PDE4D: variants seen among roughly 807,000 people sequenced by gnomAD.
The protein encoded by PDE4D is phosphodiesterase 4D.
A neutral mutation model predicts 87.4 loss-of-function variants in PDE4D; 24 were observed. The observed-to-expected ratio is 0.27, with a 90% CI of 0.20 to 0.39. The LOEUF is 0.39. Ranked by LOEUF, PDE4D falls within the 10% of genes least tolerant of loss-of-function variation. PDE4D has a pLI of 1.00. For missense variants in PDE4D, 714 were observed against 1,041.0 expected, an observed-to-expected ratio of 0.69 and a Z score of 4.32; for synonymous variants, 384 against 383.2, an observed-to-expected ratio of 1.00 and a Z score of -0.02.
At chr5:60,056,820 G>A (rs542990200) in intron 2 of PDE4D, among the ~76,000 whole-genome samples, 1 of 152,024 alleles carries the variant, frequency 6.6e-6, no homozygotes, top group Admixed American at 6.6e-5. Context: ...ACGTGCACAA[G>A]TATGCAAACA....
At chr5:59,615,939 C>G (rs972470655) in intron 1 of PDE4D, among the ~76,000 whole-genome samples, 7 of 151,498 alleles carry the variant, frequency 4.6e-5, no homozygotes, top group Non-Finnish European at 1.0e-4. Flanking sequence ...AAAAAGTAAA[C>G]GTATTTTCCA....
chr5:60,284,968 C>A (rs1752280279), intron 1 of PDE4D, among the ~76,000 whole-genome samples: 1 of 152,058 alleles, frequency 6.6e-6, no homozygotes, highest in Non-Finnish European at 1.5e-5. Flanking sequence ...ACATCAAGAA[C>A]ATCCATTATG....
At chr5:59,219,846 A>T (rs548234243) in intron 1 of PDE4D, among the ~76,000 whole-genome samples, 2 of 152,316 alleles carry the variant, frequency 1.3e-5, no homozygotes, top group African/African-American at 4.8e-5. Flanking sequence ...GAGTTAAAAA[A>T]TGTCCAGCCA....
intron 2 of PDE4D, among the ~76,000 whole-genome samples, chr5:60,077,867 GTTCAA>G (rs1773487747): frequency 6.6e-6 from 1 of 152,152 alleles, no homozygotes; most frequent in South Asian, 2.1e-4. Context: ...CTCCTGGCCT[GTTCAA>G]TTCACCCCAT....
At chr5:60,188,759 G>A (rs1161583854) in intron 1 of PDE4D, among the ~76,000 whole-genome samples, 2 of 152,156 alleles carry the variant, frequency 1.3e-5, no homozygotes, top group African/African-American at 4.8e-5. Context: ...TGGCACAAAC[G>A]AGGAAATCAG....
intron 1 of PDE4D, among the ~76,000 whole-genome samples, chr5:59,599,743 G>A (rs1827231746): frequency 6.6e-6 from 1 of 152,148 alleles, no homozygotes; most frequent in Non-Finnish European, 1.5e-5. Flanking sequence ...GAGTCTCTGT[G>A]TGCAGTGGAG....
intron 5 of PDE4D, chr5:59,179,646 A>G: frequency 2.2e-6 from 1 of 463,020 alleles, no homozygotes; most frequent in South Asian, 1.6e-5. Flanking sequence ...TCTGGACATG[A>G]TAAAGTTAAA....
At chr5:59,397,085 C>T (rs1270397273) in intron 1 of PDE4D, among the ~76,000 whole-genome samples, 1 of 130,900 alleles carries the variant, frequency 7.6e-6, no homozygotes, top group Non-Finnish European at 1.6e-5. Context: ...TAAAGCAAGT[C>T]CTGAGTGACC....
At chr5:59,156,048 C>T (rs76049709) in intron 5 of PDE4D, among the ~76,000 whole-genome samples, 2,786 of 152,102 alleles carry the variant, frequency 0.018, 93 homozygotes, top group African/African-American at 0.063. Flanking sequence ...CTGTCAAGTG[C>T]TCTGAGAGTC....
At chr5:60,223,767 C>G (rs1235062547) in intron 1 of PDE4D, among the ~76,000 whole-genome samples, 1 of 152,108 alleles carries the variant, frequency 6.6e-6, no homozygotes, top group Non-Finnish European at 1.5e-5. Flanking sequence ...ATCTCACAAG[C>G]TGCAAACTCA....
chr5:60,197,850 G>A (rs1243555201), intron 1 of PDE4D, among the ~76,000 whole-genome samples: 2 of 151,660 alleles, frequency 1.3e-5, no homozygotes, highest in Non-Finnish European at 2.9e-5. Context: ...CTGTCTCTTA[G>A]GAAGCAACAG....
At chr5:60,312,552 G>A (rs1395666652) in intron 1 of PDE4D, among the ~76,000 whole-genome samples, 1 of 152,212 alleles carries the variant, frequency 6.6e-6, no homozygotes, top group Non-Finnish European at 1.5e-5. Context: ...CAAGGCGGCA[G>A]GATGGAGTGA....
intron 1 of PDE4D, chr5:59,356,890 G>A: frequency 6.6e-7 from 1 of 1,505,316 alleles, no homozygotes; most frequent in Non-Finnish European, 8.7e-7. Context: ...CGAGAAGTCA[G>A]AGCTGGTGCG....
chr5:60,223,011 T>A (rs1744671244), intron 1 of PDE4D, among the ~76,000 whole-genome samples: 1 of 152,162 alleles, frequency 6.6e-6, no homozygotes, highest in Non-Finnish European at 1.5e-5. Flanking sequence ...AAGTTTTCCT[T>A]CTTTTCATTT....
chr5:59,497,547 G>C (rs1271591398), intron 1 of PDE4D, among the ~76,000 whole-genome samples: 1 of 151,870 alleles, frequency 6.6e-6, no homozygotes, highest in African/African-American at 2.4e-5. Context: ...AAATACAGTT[G>C]GAAGCCTTAA....
At chr5:59,454,336 G>A (rs1278596832) in intron 1 of PDE4D, among the ~76,000 whole-genome samples, 1 of 152,110 alleles carries the variant, frequency 6.6e-6, no homozygotes, top group South Asian at 2.1e-4. Flanking sequence ...TGAATTATGG[G>A]GGACAGGTCT....
intron 1 of PDE4D, among the ~76,000 whole-genome samples, chr5:60,337,108 T>C (rs1757820646): frequency 1.4e-5 from 2 of 148,042 alleles, no homozygotes; most frequent in Admixed American, 1.4e-4. Context: ...TCACCTGAGG[T>C]CAGGAGTTTG....
At chr5:60,439,232 C>G (rs1476895262) in intron 1 of PDE4D, among the ~76,000 whole-genome samples, 1 of 152,078 alleles carries the variant, frequency 6.6e-6, no homozygotes, top group Non-Finnish European at 1.5e-5. Context: ...GCTCTTATAA[C>G]TGCGGAAATA....
chr5:59,691,797 A>G (rs1161279777), intron 1 of PDE4D, among the ~76,000 whole-genome samples: 1 of 152,108 alleles, frequency 6.6e-6, no homozygotes, highest in Admixed American at 6.6e-5. Flanking sequence ...AATAAGCTTA[A>G]TAATATAATA....
Sources: allele counts gnomAD v4.1 joint callset (sites outside exome capture counted in the v4.1 genomes callset), GRCh38; gene constraint gnomAD v4.1.1; transcripts MANE v1.5; gene names NCBI Gene and HGNC (gene_info 2026-07-23, HGNC 2026-07-21).